Variants in AOAH observed in about 807,000 individuals in gnomAD.
AOAH encodes acyloxyacyl hydrolase, also known as acyloxyacyl hydrolase (neutrophil).
AOAH carries 64 observed loss-of-function variants against 92.2 expected under a neutral mutation model. The ratio of observed to expected loss-of-function variants is 0.69; its 90% confidence interval spans 0.57 to 0.86. AOAH has a LOEUF of 0.86. Ranked by LOEUF, AOAH falls within the 40% of genes least tolerant of loss-of-function variation. The pLI, the probability that AOAH is intolerant of heterozygous loss-of-function variation, is 0.00. For synonymous variants in AOAH, 263 were observed against 254.5 expected, an observed-to-expected ratio of 1.03 and a Z score of -0.32; for missense variants, 656 against 694.6, an observed-to-expected ratio of 0.94 and a Z score of 0.62.
intron 4 of AOAH, among the ~76,000 whole-genome samples, chr7:36,654,381 T>C (rs1359940632): frequency 6.6e-6 from 1 of 152,166 alleles, no homozygotes; most frequent in Non-Finnish European, 1.5e-5. Flanking sequence ...TAGTTATGGA[T>C]GAAGTTTGTC....
intron 19 of AOAH, among the ~76,000 whole-genome samples, chr7:36,522,830 C>T (rs941908074): frequency 9.9e-5 from 15 of 152,212 alleles, no homozygotes; most frequent in South Asian, 8.3e-4. Context: ...GGCAAAGCTA[C>T]GCCCTCACTT....
chr7:36,696,258 C>T (rs1318107834), intron 1 of AOAH, among the ~76,000 whole-genome samples: 1 of 152,094 alleles, frequency 6.6e-6, no homozygotes, highest in East Asian at 1.9e-4. Context: ...GCTGTTCTGG[C>T]TTCTTTTAAT....
At chr7:36,601,481 T>A (rs977792040) in intron 11 of AOAH, among the ~76,000 whole-genome samples, 31 of 152,172 alleles carry the variant, frequency 2.0e-4, no homozygotes, top group Non-Finnish European at 3.7e-4. Flanking sequence ...GGACTCACCG[T>A]CTAGAGGAGC....
At chr7:36,716,322 A>G (rs1386488215) in intron 1 of AOAH, among the ~76,000 whole-genome samples, 3 of 151,442 alleles carry the variant, frequency 2.0e-5, no homozygotes, top group Non-Finnish European at 4.4e-5. Flanking sequence ...GTCAGGAAAC[A>G]ACAGGTGCTG....
intron 4 of AOAH, among the ~76,000 whole-genome samples, chr7:36,639,026 C>A (rs952151628): frequency 6.6e-6 from 1 of 152,192 alleles, no homozygotes; most frequent in Non-Finnish European, 1.5e-5. Flanking sequence ...TGGGCATCTG[C>A]AGGCTGTGCT....
intron 12 of AOAH, among the ~76,000 whole-genome samples, chr7:36,580,873 A>G (rs1437177011): frequency 1.3e-5 from 2 of 152,074 alleles, no homozygotes; most frequent in African/African-American, 4.8e-5. Flanking sequence ...CAGCCAGGAG[A>G]GTACAGGCTG....
intron 9 of AOAH, among the ~76,000 whole-genome samples, chr7:36,619,460 C>G (rs760558641): frequency 3.3e-5 from 5 of 152,134 alleles, no homozygotes; most frequent in Non-Finnish European, 7.4e-5. Context: ...TGGGTGGGAC[C>G]ATGGAACGAA....
chr7:36,639,590 G>A (rs1018953418), intron 4 of AOAH, among the ~76,000 whole-genome samples: 3 of 152,222 alleles, frequency 2.0e-5, no homozygotes, highest in Admixed American at 2.0e-4. Context: ...AAAGGAATAT[G>A]TTATAATAAT....
intron 5 of AOAH, among the ~76,000 whole-genome samples, chr7:36,634,853 T>C (rs755811000): frequency 2.7e-4 from 41 of 152,178 alleles, no homozygotes; most frequent in Non-Finnish European, 4.9e-4. Context: ...AAAGGTGCAA[T>C]AGAATACTAT....
chr7:36,532,134 G>GT lies in AOAH; in HGVS notation c.1425+12dup. 1 of 1,614,058 alleles carries GT rather than the reference G, an allele frequency of 6.2e-7. No homozygotes were observed. The highest frequency in any genetic ancestry group is 2.2e-5 in the East Asian group (1 of 44,888). ...GATCAAAGATGGTATCAAAAGGCCT[G>GT]TGACAGTCATACCTCTGAAGTGAGA... On this transcript the variant is annotated intron_variant, in intron 18 of 20. Coordinates refer to ENST00000617537, the MANE Select transcript of AOAH (RefSeq NM_001637.4).
rs1017159034 is a variant in AOAH at position 36,664,364 on chromosome 7, A to C, written c.291-5099T>G. 1.3e-5 allele frequency among the ~76,000 whole-genome samples: 2 copies of C among 152,202 alleles called. 1 individual carries two copies. The highest frequency in any genetic ancestry group is 4.1e-4 in the South Asian group (2 of 4,832). On this transcript the variant is annotated intron_variant, in intron 3 of 20. Transcript: ENST00000617537. ...CCATTTGTTCCAACACCATCTGTTG[A>C]AATGACCATCTTTTTTTAAATCATA...
intron 13 of AOAH, among the ~76,000 whole-genome samples, chr7:36,565,943 G>A (rs1228094567): frequency 2.0e-5 from 3 of 152,082 alleles, no homozygotes; most frequent in Non-Finnish European, 4.4e-5. Context: ...TTCACTAACT[G>A]TTCCACTAAT....
intron 4 of AOAH, among the ~76,000 whole-genome samples, chr7:36,650,575 C>T (rs1326299809): frequency 1.3e-5 from 2 of 152,194 alleles, no homozygotes; most frequent in Non-Finnish European, 2.9e-5. Flanking sequence ...AATGCAGATG[C>T]TCAAACCCTA....
intron 20 of AOAH, among the ~76,000 whole-genome samples, chr7:36,515,416 C>CAA (rs1318718211): frequency 8.0e-5 from 9 of 113,134 alleles, no homozygotes; most frequent in African/African-American, 1.4e-4. Flanking sequence ...ACAAACATCA[C>CAA]ACACACCCCC....
At chr7:36,531,842 T>TTGTG (rs3837108) in intron 18 of AOAH, among the ~76,000 whole-genome samples, 4,354 of 150,590 alleles carry the variant, frequency 0.029, 198 homozygotes, top group African/African-American at 0.092. Flanking sequence ...CTTTAAGAGG[T>TTGTG]TGTGTGTGTG....
At chr7:36,675,326 C>T (rs1796184771) in intron 2 of AOAH, among the ~76,000 whole-genome samples, 1 of 152,012 alleles carries the variant, frequency 6.6e-6, no homozygotes, top group Non-Finnish European at 1.5e-5. Context: ...TTATGAGTGA[C>T]CTTAAAGAAA....
Position 36,532,283 on chromosome 7 carries a change from C to CA in AOAH, c.1365+2dup. On this transcript the variant is annotated splice_region_variant and intron_variant, in intron 17 of 20. Coordinates refer to ENST00000617537, the MANE Select transcript of AOAH (RefSeq NM_001637.4). ...GCCTTGAAGCAAGCCAGTGAGTGCT[C>CA]ACCTGGAGGCAGTTCAGGAAGGAGT... The CA allele has an allele frequency of 6.2e-7, 1 of 1,614,128 alleles. No homozygotes were observed. Among genetic ancestry groups the CA allele is most frequent in the Non-Finnish European group, 8.5e-7 (1 of 1,179,980 alleles).
intron 20 of AOAH, chr7:36,514,732 G>A (rs1035012443): frequency 4.4e-5 from 28 of 641,556 alleles, no homozygotes; most frequent in Admixed American, 1.5e-4. Context: ...TACATTGTTC[G>A]GGAAGGATGC....
intron 13 of AOAH, among the ~76,000 whole-genome samples, chr7:36,553,944 T>C (rs1786483748): frequency 6.6e-6 from 1 of 152,190 alleles, no homozygotes; most frequent in Non-Finnish European, 1.5e-5. Context: ...GCCTGTTCAC[T>C]CTGATGGTAG....
Sources: gnomAD v4.1 joint callset for allele counts (sites outside exome capture counted in the v4.1 genomes callset) on GRCh38, gnomAD v4.1.1 for gene constraint, MANE v1.5 for transcripts, NCBI Gene and HGNC (gene_info 2026-07-23, HGNC 2026-07-21) for gene names.